The following HTRA1 variants were observed in gnomAD, a reference collection of about 807,000 sequenced individuals.
The protein encoded by HTRA1 is serine protease HTRA1.
HTRA1 carries 26 observed loss-of-function variants against 49.7 expected under a neutral mutation model. The ratio of observed to expected loss-of-function variants is 0.52; its 90% CI spans 0.38 to 0.73. The LOEUF (loss-of-function observed/expected upper bound fraction) is 0.73, where lower values mean the gene tolerates loss of function less well. Ranked by LOEUF, HTRA1 falls within the 30% of genes least tolerant of loss-of-function variation. HTRA1 has a pLI of 0.00. For synonymous variants in HTRA1, 291 were observed against 286.9 expected, an observed-to-expected ratio of 1.01 and a Z score of -0.14; for missense variants, 561 against 667.2, an observed-to-expected ratio of 0.84 and a Z score of 1.75.
chr10:122,503,119 G>C (rs1480458798), intron 3 of HTRA1, among the ~76,000 whole-genome samples: 1 of 152,248 alleles, frequency 6.6e-6, no homozygotes, highest in African/African-American at 2.4e-5. Context: ...GTGCTTTGCT[G>C]TGGGTGGCGC....
At chr10:122,470,567 G>A (rs1430702303) in intron 1 of HTRA1, among the ~76,000 whole-genome samples, 1 of 151,778 alleles carries the variant, frequency 6.6e-6, no homozygotes, top group East Asian at 1.9e-4. Context: ...TCAATGCTAG[G>A]AATCCTAAAG....
In HTRA1 at chr10:122,494,643, C is replaced by T. The variant is rs756079280; in HGVS notation, c.777+5017C>T. On this transcript the variant is annotated intron_variant, in intron 3 of 8. Transcript: ENST00000368984. This position sits in a 1 kb window ranked among gnomAD's most constrained non-coding sequence, Gnocchi z 4.0. ...TTTTCCTCCCTCCCCTGTAGGCCTG[C>T]GCCACCCCCCCAACCCCACGGCCAC... 2.6e-5 allele frequency among the ~76,000 whole-genome samples: 4 copies of T among 152,076 alleles called. No homozygotes were observed. Among genetic ancestry groups the T allele is most frequent in the Non-Finnish European group, 4.4e-5 (3 of 68,026 alleles).
In HTRA1 at chr10:122,512,080, T is replaced by A; in HGVS notation, c.1274+15T>A. 1.3e-6 allele frequency: 2 copies of A among 1,534,938 alleles called. No homozygotes were observed. Among genetic ancestry groups the A allele is most frequent in the Non-Finnish European group, 1.8e-6 (2 of 1,107,940 alleles). On this transcript the variant is annotated intron_variant, in intron 8 of 8. Coordinates refer to ENST00000368984, the MANE Select transcript of HTRA1 (RefSeq NM_002775.5). Reference sequence around the variant, plus strand: ...CCAGCAGAAGCGTGAGTTGGAGTCGTTTTCTCTTTTCCCAATATTCTTGTT... The same window carrying A: ...CCAGCAGAAGCGTGAGTTGGAGTCGATTTCTCTTTTCCCAATATTCTTGTT...
Position 122,489,518 on chromosome 10 carries a change from C to G in HTRA1, c.669C>G (p.Thr223=). The G allele has an allele frequency of 6.2e-7, 1 of 1,614,134 alleles. No individual in the cohort carries two copies. Among genetic ancestry groups the G allele is most frequent in the Admixed American group, 1.7e-5 (1 of 60,016 alleles). Residue 223 remains threonine, a synonymous_variant, in exon 3 of 9, where the codon ACC becomes ACG. Coordinates refer to ENST00000368984, the MANE Select transcript of HTRA1 (RefSeq NM_002775.5). ...TCGTGACAAATGCCCACGTGGTGAC[C>G]AACAAGCACCGGGTCAAAGTTGAGC... is the stretch of plus-strand genomic sequence containing the variant. ...GLIVTNAHVV[T]NKHRVKVELK...
At position 122,510,272 on chromosome 10, in the gene HTRA1, C is replaced by G. The variant is rs760806216; in HGVS notation, c.1178+119C>G. 3.7e-6 allele frequency: 3 copies of G among 819,034 alleles called. No homozygotes were observed. In the Admixed American group the frequency reaches 5.8e-5, roughly 16 times the overall value. 50.7% of individuals were successfully genotyped at this position (819,034 alleles called of 1,614,324 possible). A position where few individuals can be genotyped will look rare whatever the true frequency, so the allele number is the denominator to read the frequency against. ...CTGCCTTAAGACGTCTCAGTTTCTGCTTATAATGAAGTAGCATCGGGAAAG... is the reference window on the plus strand; with the variant it reads ...CTGCCTTAAGACGTCTCAGTTTCTGGTTATAATGAAGTAGCATCGGGAAAG... On this transcript the variant is annotated intron_variant, in intron 7 of 8. Transcript: ENST00000368984.
At chr10:122,474,006 G>A (rs527569865) in intron 1 of HTRA1, among the ~76,000 whole-genome samples, 1 of 152,116 alleles carries the variant, frequency 6.6e-6, no homozygotes, top group South Asian at 2.1e-4. Flanking sequence ...TTTCAGCCTG[G>A]AAAGTCACTG....
chr10:122,494,798 C>T lies in HTRA1; in HGVS notation c.777+5172C>T, dbSNP rs192761635. Among the ~76,000 whole-genome samples, 16 of 152,228 alleles carry T rather than the reference C, an allele frequency of 1.1e-4. No homozygotes were observed. Among genetic ancestry groups the T allele is most frequent in the East Asian group, 5.8e-4 (3 of 5,164 alleles). On this transcript the variant is annotated intron_variant, in intron 3 of 8. Coordinates refer to ENST00000368984, the MANE Select transcript of HTRA1 (RefSeq NM_002775.5). This position sits in a 1 kb window ranked among gnomAD's most constrained non-coding sequence, Gnocchi z 4.0. ...TGGCTGGTGCAGTGAGAAGGAAGGC[C>T]GACACCCCTGATCCTCATCAAGTTC...
intron 1 of HTRA1, among the ~76,000 whole-genome samples, chr10:122,482,917 C>CAAA (rs59042439): frequency 1.2e-3 from 88 of 74,914 alleles, no homozygotes; most frequent in African/African-American, 2.1e-3. Flanking sequence ...GACTCTGTCT[C>CAAA]AAAAAAAAAA....
At chr10:122,514,077 A>C (rs1028965696) in intron 8 of HTRA1, 114 bp from the exon 9 acceptor site, 30 of 1,060,282 alleles carry the variant, frequency 2.8e-5, no homozygotes, top group Non-Finnish European at 4.0e-5. Context: ...GCCACCGTCC[A>C]ATCCTGTTTG....
At chr10:122,513,792 A>C (rs569207045) in intron 8 of HTRA1, among the ~76,000 whole-genome samples, 22 of 151,850 alleles carry the variant, frequency 1.4e-4, no homozygotes, top group African/African-American at 4.8e-4. Context: ...GCAGTGGCAC[A>C]ATCTTGGCTC....
chr10:122,511,961 C>T lies in HTRA1; in HGVS notation c.1179-9C>T. On this transcript the variant is annotated splice_polypyrimidine_tract_variant and intron_variant, in intron 7 of 8. Transcript: ENST00000368984. ...TCACACTAACACGGGTGCTTTTTCT[C>T]TGGAGCAGCAAAGCCAAAGAGCTGA... 1 of 1,612,036 alleles carries T rather than the reference C, an allele frequency of 6.2e-7. No homozygotes were observed. The highest frequency in any genetic ancestry group is 8.5e-7 in the Non-Finnish European group (1 of 1,178,370).
At chr10:122,512,523 T>C (rs1045587174) in intron 8 of HTRA1, among the ~76,000 whole-genome samples, 1 of 151,998 alleles carries the variant, frequency 6.6e-6, no homozygotes, top group African/African-American at 2.4e-5. Context: ...CAAAGTAACA[T>C]GACAAGAAGT....
At chr10:122,511,370 C>G (rs908346495) in intron 7 of HTRA1, among the ~76,000 whole-genome samples, 1 of 152,196 alleles carries the variant, frequency 6.6e-6, no homozygotes, top group Non-Finnish European at 1.5e-5. Context: ...CGAGCTAGGG[C>G]TGCAAACCAG....
chr10:122,471,852 G>A (rs144247293), intron 1 of HTRA1, among the ~76,000 whole-genome samples: 11 of 152,312 alleles, frequency 7.2e-5, no homozygotes, highest in Admixed American at 2.6e-4. Context: ...TTTCCTGTAA[G>A]GCTGGAGAAA....
At chr10:122,469,117 C>T (rs1269548005) in intron 1 of HTRA1, among the ~76,000 whole-genome samples, 1 of 152,158 alleles carries the variant, frequency 6.6e-6, no homozygotes, top group Non-Finnish European at 1.5e-5. Flanking sequence ...ATTGAACAAC[C>T]TCAGTCCTAA....
Position 122,511,210 on chromosome 10 carries a change from G to A in HTRA1, c.1179-760G>A, listed in dbSNP as rs1450685944. ...TGATGCCAGCCACTATGTATCACACGTACTGGGCCAGGTGCCTTACTGGGA... is the reference window on the plus strand; with the variant it reads ...TGATGCCAGCCACTATGTATCACACATACTGGGCCAGGTGCCTTACTGGGA... On this transcript the variant is annotated intron_variant, in intron 7 of 8. Coordinates refer to ENST00000368984, the MANE Select transcript of HTRA1 (RefSeq NM_002775.5). 2.0e-5 allele frequency among the ~76,000 whole-genome samples: 3 copies of A among 152,252 alleles called. No homozygotes were observed. In the East Asian group the frequency reaches 5.8e-4, roughly 29 times the overall value.
At chr10:122,509,754 G>A (rs2097504765) in intron 6 of HTRA1, among the ~76,000 whole-genome samples, 1 of 152,234 alleles carries the variant, frequency 6.6e-6, no homozygotes, top group African/African-American at 2.4e-5. Flanking sequence ...GATGAGACAT[G>A]CTGGGGTCTC....
At position 122,461,792 on chromosome 10, in the gene HTRA1, C is replaced by T. The variant is rs1346646975; in HGVS notation, c.140C>T (p.Pro47Leu). The T allele has an allele frequency of 9.5e-7, 1 of 1,052,194 alleles. No homozygotes were observed. 65.2% of individuals were successfully genotyped at this position (1,052,194 alleles called of 1,614,324 possible). The change falls in exon 1 of 9, where the codon CCG becomes CTG. Residue 47 changes from proline to leucine, a missense_variant. This residue lies in a region of HTRA1 where 111 missense variants were observed against 83.7 expected (regional missense o/e 1.33). Transcript: ENST00000368984. ...GACCGCTGCGAGCCGGCGCGCTGCC[C>T]GCCGCAGCCGGAGCACTGCGAGGGC... ...CPDRCEPARC[P>L]PQPEHCEGGR...
chr10:122,506,831 G>A lies in HTRA1; in HGVS notation c.918G>A (p.Glu306=). Reference sequence around the variant, plus strand: ...GCACCACCCAGCGAGGCGGCAAAGAGCTGGGGCTCCGCAACTCAGACATGG... The same window carrying A: ...GCACCACCCAGCGAGGCGGCAAAGAACTGGGGCTCCGCAACTCAGACATGG... ...IVSTTQRGGK[E]LGLRNSDMDY... is the part of the protein sequence containing the mutation. The change falls in exon 4 of 9, where the codon GAG becomes GAA. Residue 306 remains glutamate, a synonymous_variant. Coordinates refer to ENST00000368984, the MANE Select transcript of HTRA1 (RefSeq NM_002775.5). The surrounding 1 kb of genome is among the most constrained non-coding windows in gnomAD (Gnocchi z 5.2). 1.2e-6 allele frequency: 2 copies of A among 1,613,890 alleles called. No homozygotes were observed. The highest frequency in any genetic ancestry group is 1.7e-6 in the Non-Finnish European group (2 of 1,180,020).
Sources: allele counts gnomAD v4.1 joint callset (sites outside exome capture counted in the v4.1 genomes callset), GRCh38; gene constraint gnomAD v4.1.1; regional missense constraint gnomAD v4.1.1; non-coding constraint Gnocchi (gnomAD v3.1); transcripts MANE v1.5; gene names NCBI Gene and HGNC (gene_info 2026-07-23, HGNC 2026-07-21).